The following ZFHX3 variants were observed in gnomAD, a reference collection of about 807,000 sequenced individuals.
The protein encoded by ZFHX3 is zinc finger homeobox protein 3.
ZFHX3 carries 42 observed loss-of-function variants against 279.1 expected under a neutral mutation model. The observed-to-expected ratio is 0.15, with a 90% CI of 0.12 to 0.19. ZFHX3 has a LOEUF of 0.19. Ranked by LOEUF, ZFHX3 falls within the 10% of genes least tolerant of loss-of-function variation. ZFHX3 has a pLI of 1.00. For synonymous variants in ZFHX3, 2,293 were observed against 1,957.8 expected (o/e 1.17, Z -4.52); for missense variants, 4,981 against 4,754.0 (o/e 1.05, Z -1.40).
intron 1 of ZFHX3, among the ~76,000 whole-genome samples, chr16:72,974,870 G>A (rs1962277938): frequency 6.6e-6 from 1 of 152,130 alleles, no homozygotes; most frequent in Non-Finnish European, 1.5e-5. Flanking sequence ...TTCCTATCTG[G>A]TGGAGGCATG....
chr16:73,207,019 AAAATAAATAAATAAATAAAT>A (rs71156149), intron 5 of ZFHX3, among the ~76,000 whole-genome samples: 7 of 145,628 alleles, frequency 4.8e-5, no homozygotes, highest in East Asian at 2.0e-4. Flanking sequence ...ATCCATCTCA[AAAATAAATAAATAAATAAAT>A]AAATAAATAA....
intron 3 of ZFHX3, among the ~76,000 whole-genome samples, chr16:73,332,291 C>T (rs2143230503): frequency 6.6e-6 from 1 of 152,286 alleles, no homozygotes. Context: ...TATAACGAAG[C>T]TCTATATCTA....
intron 1 of ZFHX3, among the ~76,000 whole-genome samples, chr16:73,790,860 G>C (rs1002926238): frequency 3.9e-5 from 6 of 152,220 alleles, no homozygotes; most frequent in African/African-American, 1.2e-4. Flanking sequence ...CCACCAGTCA[G>C]AACTGGAACG....
intron 2 of ZFHX3, among the ~76,000 whole-genome samples, chr16:73,671,273 G>C (rs1389420589): frequency 6.6e-6 from 1 of 152,220 alleles, no homozygotes; most frequent in Non-Finnish European, 1.5e-5. Flanking sequence ...TTGCATCCTT[G>C]GATGGGTGCT....
At chr16:73,621,327 T>C (rs185013100) in intron 2 of ZFHX3, among the ~76,000 whole-genome samples, 2 of 152,310 alleles carry the variant, frequency 1.3e-5, no homozygotes, top group East Asian at 1.9e-4. Flanking sequence ...AATATTTCAT[T>C]AACAATCTGT....
chr16:72,863,613 A>G (rs541540475), intron 4 of ZFHX3, among the ~76,000 whole-genome samples: 1 of 152,238 alleles, frequency 6.6e-6, no homozygotes, highest in South Asian at 2.1e-4. Context: ...GAGTAAACGG[A>G]AGCAGGGAGT....
At chr16:73,811,713 G>A (rs1293383150) in intron 1 of ZFHX3, among the ~76,000 whole-genome samples, 1 of 152,044 alleles carries the variant, frequency 6.6e-6, no homozygotes, top group East Asian at 1.9e-4. Flanking sequence ...CCAAAGTGCT[G>A]GGATTATAGG....
intron 2 of ZFHX3, among the ~76,000 whole-genome samples, chr16:73,559,299 C>T (rs777225969): frequency 2.6e-5 from 4 of 152,160 alleles, no homozygotes; most frequent in Non-Finnish European, 5.9e-5. Flanking sequence ...CTTCCTGCCT[C>T]GGCCTCCCAA....
chr16:73,334,024 G>A (rs768177510), intron 3 of ZFHX3, among the ~76,000 whole-genome samples: 1 of 152,062 alleles, frequency 6.6e-6, no homozygotes, highest in African/African-American at 2.4e-5. Flanking sequence ...CACGAAGGAG[G>A]GAGAATGTCC....
At chr16:72,856,189 G>A (rs2037751516) in intron 4 of ZFHX3, among the ~76,000 whole-genome samples, 1 of 152,224 alleles carries the variant, frequency 6.6e-6, no homozygotes, top group African/African-American at 2.4e-5. Flanking sequence ...CAGCGTGCAT[G>A]TAACTGTAAA....
At chr16:73,682,032 T>C (rs974452657) in intron 1 of ZFHX3, among the ~76,000 whole-genome samples, 6 of 133,868 alleles carry the variant, frequency 4.5e-5, no homozygotes, top group African/African-American at 2.5e-4. Context: ...GTCTGACGCA[T>C]AATGGATGCT....
At chr16:73,286,531 C>T (rs983217693) in intron 4 of ZFHX3, among the ~76,000 whole-genome samples, 28 of 151,626 alleles carry the variant, frequency 1.8e-4, no homozygotes, top group African/African-American at 5.6e-4. Flanking sequence ...CTGTGTGGGT[C>T]GGTGTGTGGC....
intron 2 of ZFHX3, among the ~76,000 whole-genome samples, chr16:73,504,065 T>C (rs2143671133): frequency 6.6e-6 from 1 of 152,204 alleles, no homozygotes; most frequent in East Asian, 1.9e-4. Context: ...GTCTGATTAA[T>C]AAGTAAACAG....
chr16:73,562,595 C>CAAAAA lies in ZFHX3; in HGVS notation c.-1546-106342_-1546-106338dup, dbSNP rs35887424. ...TGGGCGACAGAGCCAGACTCCGTCT[C>CAAAAA]AAAAAAAAAAAAAAAAAAAAGTGGC... On this transcript the variant is annotated intron_variant, in intron 2 of 17. Coordinates refer to the ZFHX3 transcript ENST00000641206. 1.5e-3 allele frequency among the ~76,000 whole-genome samples: 151 copies of CAAAAA among 102,320 alleles called. 4 individuals carry two copies. The highest frequency in any genetic ancestry group is 4.8e-3 in the African/African-American group (125 of 26,252). The allele number at this position is 102,320 out of a possible 152,430, so 67.1% of individuals were successfully genotyped here.
chr16:72,851,211 CA>C (rs2143838239), intron 4 of ZFHX3, among the ~76,000 whole-genome samples: 1 of 152,210 alleles, frequency 6.6e-6, no homozygotes, highest in African/African-American at 2.4e-5. Flanking sequence ...GTTACACTCT[CA>C]GGGTGGGGAC....
intron 5 of ZFHX3, among the ~76,000 whole-genome samples, chr16:72,814,107 C>G (rs1944251275): frequency 6.6e-6 from 1 of 152,182 alleles, no homozygotes; most frequent in African/African-American, 2.4e-5. Flanking sequence ...TTATTTGTCA[C>G]AGCCATTTCT....
chr16:73,808,582 T>G (rs1320652913), intron 1 of ZFHX3: 1 of 152,188 alleles, frequency 6.6e-6, no homozygotes, highest in African/African-American at 2.4e-5. Context: ...TCGATAAGTG[T>G]CAGTTGAATG....
rs34325397 is a variant in ZFHX3, at chr16:72,892,510, G to GTT, written c.3217-2550_3217-2549dup. 3.2e-4 allele frequency among the ~76,000 whole-genome samples: 46 copies of GTT among 142,554 alleles called. No homozygotes were observed. The South Asian group carries it at 8.1e-3, about 25-fold the overall frequency. The allele number at this position is 142,554 out of a possible 152,430, so 93.5% of individuals were successfully genotyped here. ...CTTTTTGTTTACTTTTTATTTATTGGTTTTTTTTTTTTTTTGAGACAGGGT... is the reference window on the plus strand; with the variant it reads ...CTTTTTGTTTACTTTTTATTTATTGGTTTTTTTTTTTTTTTTTGAGACAGGGT... On this transcript the variant is annotated intron_variant, in intron 3 of 9. Transcript: ENST00000268489.
At chr16:73,806,925 G>A (rs1960292512) in intron 1 of ZFHX3, among the ~76,000 whole-genome samples, 1 of 152,154 alleles carries the variant, frequency 6.6e-6, no homozygotes, top group Non-Finnish European at 1.5e-5. Context: ...GCTAACTCAA[G>A]GGAATGCGAG....
Sources: allele counts gnomAD v4.1 joint callset (sites outside exome capture counted in the v4.1 genomes callset), GRCh38; gene constraint gnomAD v4.1.1; transcripts MANE v1.5; gene names NCBI Gene and HGNC (gene_info 2026-07-23, HGNC 2026-07-21).